The following GALNT13 variants were observed in gnomAD, a reference collection of about 807,000 sequenced individuals.
The protein encoded by GALNT13 is polypeptide N-acetylgalactosaminyltransferase 13, also known as UDP-GalNAc:polypeptide N-acetylgalactosaminyltransferase 13.
A neutral mutation model predicts 64.2 loss-of-function variants in GALNT13; 28 were observed. The ratio of observed to expected loss-of-function variants is 0.44; its 90% confidence interval spans 0.32 to 0.60. The LOEUF (loss-of-function observed/expected upper bound fraction) is 0.60. GALNT13 is among the 20% of genes least tolerant of loss of function. GALNT13 has a pLI of 0.05. For synonymous variants in GALNT13, 214 were observed against 224.6 expected (o/e 0.95, Z 0.42); for missense variants, 577 against 669.8 (o/e 0.86, Z 1.53).
At chr2:153,367,764 G>T in the GALNT13 span, among the ~76,000 whole-genome samples, 1 of 151,942 alleles carries the variant, frequency 6.6e-6, no homozygotes, top group East Asian at 1.9e-4. Context: ...AATAATAATA[G>T]GGTGTATGTT....
chr2:153,775,843 A>G, the GALNT13 span, among the ~76,000 whole-genome samples: 1 of 152,156 alleles, frequency 6.6e-6, no homozygotes, highest in African/African-American at 2.4e-5. Flanking sequence ...ATTACTAGAA[A>G]TTAGGTTCAC....
At chr2:153,217,386 C>T in the GALNT13 span, among the ~76,000 whole-genome samples, 1 of 152,000 alleles carries the variant, frequency 6.6e-6, no homozygotes, top group Non-Finnish European at 1.5e-5. Flanking sequence ...ATTTTGAAAA[C>T]TTCTAGTCTA....
the GALNT13 span, among the ~76,000 whole-genome samples, chr2:153,494,850 A>G: frequency 6.6e-6 from 1 of 152,096 alleles, no homozygotes; most frequent in African/African-American, 2.4e-5. Context: ...ACATATCCAG[A>G]ATATATATAA....
intron 3 of GALNT13, among the ~76,000 whole-genome samples, chr2:154,133,125 T>G (rs1412447175): frequency 6.6e-6 from 1 of 152,110 alleles, no homozygotes; most frequent in Non-Finnish European, 1.5e-5. Context: ...ATATCTTATT[T>G]AGGAAGAGAT....
the GALNT13 span, among the ~76,000 whole-genome samples, chr2:153,676,376 C>G: frequency 3.8e-3 from 573 of 152,114 alleles, 2 homozygotes; most frequent in African/African-American, 0.013. Context: ...TAAGACAAAG[C>G]TAGCCAACCA....
chr2:153,840,381 T>C, the GALNT13 span, among the ~76,000 whole-genome samples: 1 of 152,138 alleles, frequency 6.6e-6, no homozygotes, highest in African/African-American at 2.4e-5. Flanking sequence ...ATAGACTTTA[T>C]GAACATACTT....
intron 1 of GALNT13, among the ~76,000 whole-genome samples, chr2:153,887,204 A>T (rs1280654044): frequency 6.6e-6 from 1 of 151,788 alleles, no homozygotes; most frequent in Admixed American, 6.6e-5. Flanking sequence ...TTGTAATGAC[A>T]TGAGAGTTGA....
chr2:153,505,144 T>C, the GALNT13 span, among the ~76,000 whole-genome samples: 1 of 152,204 alleles, frequency 6.6e-6, no homozygotes, highest in African/African-American at 2.4e-5. Flanking sequence ...CCATCTCATT[T>C]AGGTTTTCTA....
At chr2:153,483,358 T>C in the GALNT13 span, among the ~76,000 whole-genome samples, 1 of 151,244 alleles carries the variant, frequency 6.6e-6, no homozygotes, top group Non-Finnish European at 1.5e-5. Flanking sequence ...ATAAACAAAC[T>C]GTGGTATTTA....
chr2:153,656,339 T>TGTGA, the GALNT13 span, among the ~76,000 whole-genome samples: 1 of 141,474 alleles, frequency 7.1e-6, no homozygotes, highest in Non-Finnish European at 1.6e-5. Flanking sequence ...TGTGTGTGTG[T>TGTGA]GCGCGCGCAC....
chr2:153,339,129 A>G, the GALNT13 span, among the ~76,000 whole-genome samples: 2 of 152,144 alleles, frequency 1.3e-5, no homozygotes, highest in African/African-American at 4.8e-5. Flanking sequence ...GATCCTTTGG[A>G]TATATATCCA....
intron 12 of GALNT13, among the ~76,000 whole-genome samples, chr2:154,444,417 T>C (rs768310630): frequency 6.6e-6 from 1 of 152,142 alleles, no homozygotes; most frequent in Non-Finnish European, 1.5e-5. Context: ...TGTTACTGTA[T>C]TCATTTCTTG....
At chr2:153,068,877 T>C in the GALNT13 span, among the ~76,000 whole-genome samples, 8 of 152,196 alleles carry the variant, frequency 5.3e-5, no homozygotes, top group African/African-American at 1.9e-4. Context: ...TCCTCCCCAA[T>C]TGAATAAGCT....
At chr2:153,512,878 T>A in the GALNT13 span, among the ~76,000 whole-genome samples, 1 of 152,212 alleles carries the variant, frequency 6.6e-6, no homozygotes. Context: ...CTGAGTTTAT[T>A]CCAATTTCAT....
intron 4 of GALNT13, among the ~76,000 whole-genome samples, chr2:154,176,240 ATTATTTATTTATTTATTTAT>A (rs3075864): frequency 7.6e-4 from 101 of 132,750 alleles, no homozygotes; most frequent in African/African-American, 1.0e-3. Flanking sequence ...GAACATATAT[ATTATTTATTTATTTATTTAT>A]TTATTTATTT....
At chr2:154,052,767 C>A (rs1420734989) in intron 3 of GALNT13, among the ~76,000 whole-genome samples, 1 of 143,004 alleles carries the variant, frequency 7.0e-6, no homozygotes, top group Admixed American at 7.3e-5. Context: ...GACGGAGTCT[C>A]GCTGTCTTGC....
intron 4 of GALNT13, among the ~76,000 whole-genome samples, chr2:154,177,815 A>T (rs978383850): frequency 3.9e-5 from 6 of 152,112 alleles, no homozygotes; most frequent in African/African-American, 1.4e-4. Context: ...CTGAAAAGAG[A>T]CCTGGCAACA....
intron 11 of GALNT13, among the ~76,000 whole-genome samples, chr2:154,416,237 G>C (rs904164778): frequency 3.3e-5 from 5 of 152,048 alleles, no homozygotes; most frequent in African/African-American, 1.2e-4. Context: ...GAAATTTATT[G>C]TACACAGTTC....
chr2:154,141,499 A>G (rs925742314), intron 4 of GALNT13, among the ~76,000 whole-genome samples: 2 of 152,138 alleles, frequency 1.3e-5, no homozygotes, highest in Admixed American at 6.5e-5. Flanking sequence ...AAAAACGAAG[A>G]CACAAACATA....
Sources: gnomAD v4.1 joint callset for allele counts (sites outside exome capture counted in the v4.1 genomes callset) on GRCh38, gnomAD v4.1.1 for gene constraint, MANE v1.5 for transcripts, NCBI Gene and HGNC (gene_info 2026-07-23, HGNC 2026-07-21) for gene names.